PTGFR: variants seen among roughly 807,000 people sequenced by gnomAD.
The protein encoded by PTGFR is prostaglandin F2-alpha receptor.
In PTGFR, 15 loss-of-function variants were observed where a neutral mutation model predicts 26.2. The ratio of observed to expected loss-of-function variants is 0.57; its 90% CI spans 0.38 to 0.88. PTGFR has a LOEUF of 0.88. Among genes scored for constraint, PTGFR ranks in the 40% least tolerant of loss-of-function variants. The pLI, the probability that PTGFR is intolerant of heterozygous loss-of-function variation, is 0.00. For synonymous variants in PTGFR, 165 were observed against 151.1 expected (o/e 1.09, Z -0.68); for missense variants, 369 against 427.2 (o/e 0.86, Z 1.20).
At chr1:78,493,939 T>C (rs770796691) in intron 2 of PTGFR, among the ~76,000 whole-genome samples, 4 of 152,270 alleles carry the variant, frequency 2.6e-5, no homozygotes, top group Non-Finnish European at 5.9e-5. Context: ...CAGGGCATAT[T>C]AGCTACTGGG....
chr1:78,507,180 T>C (rs908960617), intron 2 of PTGFR, among the ~76,000 whole-genome samples: 5 of 152,112 alleles, frequency 3.3e-5, no homozygotes, highest in Admixed American at 3.3e-4. Flanking sequence ...GGAAAGACTG[T>C]GGGTTTAGTA....
At chr1:78,521,021 G>A (rs1199162161) in intron 2 of PTGFR, among the ~76,000 whole-genome samples, 1 of 152,012 alleles carries the variant, frequency 6.6e-6, no homozygotes, top group Non-Finnish European at 1.5e-5. Flanking sequence ...GTCTGCTCAG[G>A]TAGGATAGTA....
chr1:78,518,641 T>C (rs1276293480), intron 2 of PTGFR, among the ~76,000 whole-genome samples: 3 of 150,658 alleles, frequency 2.0e-5, no homozygotes, highest in African/African-American at 7.3e-5. Context: ...TAGCAGAGCA[T>C]GTATTGCATG....
At position 78,539,231 on chromosome 1, in the gene PTGFR, T is replaced by A. The variant is rs927661354; in HGVS notation, c.*2544T>A. The A allele has an allele frequency of 5.9e-5, 9 of 152,006 alleles. No homozygotes were observed. The highest frequency in any genetic ancestry group is 1.9e-4 in the African/African-American group (8 of 41,422). 9.4% of individuals were successfully genotyped at this position (152,006 alleles called of 1,614,324 possible). ...AAAACGAAAAATACCTGAAAGTTAA[T>A]ACATACATATGTAGATATATTTTGT... is the stretch of plus-strand genomic sequence containing the variant. On this transcript the variant is annotated 3_prime_UTR_variant, in exon 3 of 3. Coordinates refer to ENST00000370757, the MANE Select transcript of PTGFR (RefSeq NM_000959.4).
intron 2 of PTGFR, among the ~76,000 whole-genome samples, chr1:78,498,695 A>AAAAC (rs749267762): frequency 2.0e-5 from 3 of 152,126 alleles, no homozygotes; most frequent in Non-Finnish European, 4.4e-5. Context: ...CCTGACTCTA[A>AAAAC]AAACAAACAA....
At chr1:78,492,337 T>C (rs1041257034) in intron 1 of PTGFR, among the ~76,000 whole-genome samples, 11 of 152,148 alleles carry the variant, frequency 7.2e-5, no homozygotes, top group Non-Finnish European at 1.3e-4. Flanking sequence ...AAAAATCTTA[T>C]TGGGTTTAAA....
chr1:78,522,146 C>G (rs1020338127), intron 2 of PTGFR, among the ~76,000 whole-genome samples: 1 of 151,994 alleles, frequency 6.6e-6, no homozygotes, highest in African/African-American at 2.4e-5. Flanking sequence ...GCCCTCAGGT[C>G]GGGGCTGTCC....
chr1:78,512,409 C>T (rs1393764365), intron 2 of PTGFR, among the ~76,000 whole-genome samples: 27 of 151,926 alleles, frequency 1.8e-4, no homozygotes, highest in African/African-American at 2.9e-4. Flanking sequence ...TCTGGGGAGG[C>T]CTCAGAGAGC....
At position 78,536,775 on chromosome 1, in the gene PTGFR, A is replaced by C; in HGVS notation, c.*88A>C. ...CAGTTAGTTAAATACCTGTAGCCTAACTGGAAAATTCAGGCTTCATCATGT... is the reference window on the plus strand; with the variant it reads ...CAGTTAGTTAAATACCTGTAGCCTACCTGGAAAATTCAGGCTTCATCATGT... On this transcript the variant is annotated 3_prime_UTR_variant, in exon 3 of 3. Transcript: ENST00000370757. The C allele has an allele frequency of 1.4e-6, 2 of 1,386,902 alleles. No homozygotes were observed. Among genetic ancestry groups the C allele is most frequent in the Non-Finnish European group, 1.9e-6 (2 of 1,042,860 alleles). The allele number at this position is 1,386,902 out of a possible 1,614,324, so 85.9% of individuals were successfully genotyped here.
intron 2 of PTGFR, among the ~76,000 whole-genome samples, chr1:78,518,566 A>G (rs919737489): frequency 2.2e-5 from 2 of 92,112 alleles, no homozygotes; most frequent in African/African-American, 9.0e-5. Context: ...ACAGTATAAA[A>G]GACACACACA....
At position 78,532,823 on chromosome 1, in the gene PTGFR, A is replaced by G. The variant is rs114970173; in HGVS notation, c.799-3583A>G. ...ATATCCATATTTTCTAAGTATTTGA[A>G]TAATTTGAAAAATAAGCAGGGAAAA... is the stretch of plus-strand genomic sequence containing the variant. On this transcript the variant is annotated intron_variant, in intron 2 of 2. Coordinates refer to ENST00000370757, the MANE Select transcript of PTGFR (RefSeq NM_000959.4). 5.1e-3 allele frequency among the ~76,000 whole-genome samples: 776 copies of G among 152,208 alleles called. 10 individuals are homozygous for G. Among genetic ancestry groups the G allele is most frequent in the African/African-American group, 0.017 (724 of 41,528 alleles).
intron 2 of PTGFR, among the ~76,000 whole-genome samples, chr1:78,521,099 C>T (rs1038746039): frequency 6.6e-6 from 1 of 152,070 alleles, no homozygotes; most frequent in African/African-American, 2.4e-5. Flanking sequence ...TCTATAGACA[C>T]TCCACTCCCT....
At chr1:78,531,094 G>C (rs1324584072) in intron 2 of PTGFR, among the ~76,000 whole-genome samples, 1 of 152,108 alleles carries the variant, frequency 6.6e-6, no homozygotes, top group Non-Finnish European at 1.5e-5. Flanking sequence ...TGGTCTTCTT[G>C]CACCATCCCT....
chr1:78,510,408 T>A (rs1050583908), intron 2 of PTGFR, among the ~76,000 whole-genome samples: 1 of 152,094 alleles, frequency 6.6e-6, no homozygotes, highest in Non-Finnish European at 1.5e-5. Flanking sequence ...GCACATCATA[T>A]GTCAAGAGAG....
intron 2 of PTGFR, among the ~76,000 whole-genome samples, chr1:78,498,102 T>G (rs866129923): frequency 6.6e-6 from 1 of 152,202 alleles, no homozygotes; most frequent in Non-Finnish European, 1.5e-5. Context: ...GGGTGGCTAA[T>G]TGAACTTTGA....
chr1:78,506,606 T>C (rs1426031469), intron 2 of PTGFR, among the ~76,000 whole-genome samples: 1 of 152,054 alleles, frequency 6.6e-6, no homozygotes, highest in Non-Finnish European at 1.5e-5. Context: ...CTTTTTCTAT[T>C]TTAATAAGTA....
chr1:78,503,690 C>T (rs1336276954), intron 2 of PTGFR, among the ~76,000 whole-genome samples: 1 of 152,180 alleles, frequency 6.6e-6, no homozygotes, highest in African/African-American at 2.4e-5. Context: ...CCTCTGCCTA[C>T]TTTTTCCACT....
At chr1:78,524,713 T>A in intron 2 of PTGFR, among the ~76,000 whole-genome samples, 1 of 152,022 alleles carries the variant, frequency 6.6e-6, no homozygotes, top group East Asian at 1.9e-4. Flanking sequence ...GCTATTATCT[T>A]GGGCGAATCA....
intron 2 of PTGFR, among the ~76,000 whole-genome samples, chr1:78,503,394 G>T (rs529756755): frequency 2.6e-5 from 4 of 152,132 alleles, no homozygotes; most frequent in African/African-American, 9.6e-5. Context: ...TAGAAATAAA[G>T]AAAAACAATT....
Sources: gnomAD v4.1 joint callset for allele counts (sites outside exome capture counted in the v4.1 genomes callset) on GRCh38, gnomAD v4.1.1 for gene constraint, MANE v1.5 for transcripts, NCBI Gene and HGNC (gene_info 2026-07-23, HGNC 2026-07-21) for gene names.